PDE4D: variants seen among roughly 807,000 people sequenced by gnomAD.
PDE4D encodes 3',5'-cyclic-AMP phosphodiesterase 4D.
Under a neutral mutation model 87.4 loss-of-function variants are expected in PDE4D, and 24 were observed. The observed-to-expected ratio is 0.27, with a 90% CI of 0.20 to 0.39. The LOEUF (loss-of-function observed/expected upper bound fraction) is 0.39, where lower values mean the gene tolerates loss of function less well. Ranked by LOEUF, PDE4D falls within the 10% of genes least tolerant of loss-of-function variation. The pLI is 1.00. For missense variants in PDE4D, 714 were observed against 1,041.0 expected (o/e 0.69, Z 4.32); for synonymous variants, 384 against 383.2 (o/e 1.00, Z -0.02).
At chr5:59,474,268 T>C (rs1314056043) in intron 1 of PDE4D, among the ~76,000 whole-genome samples, 1 of 152,166 alleles carries the variant, frequency 6.6e-6, no homozygotes, top group African/African-American at 2.4e-5. Context: ...ATATATTATA[T>C]GACAAAGTTA....
chr5:59,163,189 G>A (rs1178762663), intron 5 of PDE4D, among the ~76,000 whole-genome samples: 2 of 148,880 alleles, frequency 1.3e-5, no homozygotes, highest in African/African-American at 2.5e-5. Flanking sequence ...CAATCGATCC[G>A]CCTGCCTCGG....
chr5:59,766,585 A>G (rs567224810), intron 1 of PDE4D, among the ~76,000 whole-genome samples: 62 of 152,314 alleles, frequency 4.1e-4, no homozygotes, highest in African/African-American at 1.5e-3. Flanking sequence ...TCATTCAGCA[A>G]TGGGTGCAAT....
intron 1 of PDE4D, among the ~76,000 whole-genome samples, chr5:60,288,729 T>A (rs765558968): frequency 1.2e-4 from 19 of 152,230 alleles, no homozygotes; most frequent in Non-Finnish European, 2.1e-4. Context: ...TTACAATGAA[T>A]CATTTATATT....
intron 1 of PDE4D, among the ~76,000 whole-genome samples, chr5:59,282,060 TCTAA>T (rs1405495740): frequency 6.6e-6 from 1 of 152,142 alleles, no homozygotes; most frequent in South Asian, 2.1e-4. Context: ...AAATTATTCT[TCTAA>T]CTATTTTTTT....
intron 1 of PDE4D, among the ~76,000 whole-genome samples, chr5:60,476,667 G>A (rs147847909): frequency 0.029 from 4,444 of 152,242 alleles, 95 homozygotes; most frequent in Non-Finnish European, 0.044. Flanking sequence ...AGCTGCTGCA[G>A]CACCAAACGT....
At chr5:59,031,576 C>T (rs1477092792) in intron 6 of PDE4D, among the ~76,000 whole-genome samples, 10 of 148,116 alleles carry the variant, frequency 6.8e-5, no homozygotes, top group Admixed American at 6.1e-4. Flanking sequence ...GGCGTGGTAG[C>T]GGGCGCCTGT....
At chr5:59,856,326 A>G (rs10078146) in intron 1 of PDE4D, among the ~76,000 whole-genome samples, 14,077 of 152,200 alleles carry the variant, frequency 0.092, 2,015 homozygotes, top group African/African-American at 0.31. Context: ...AGAGAAGACT[A>G]TTACAAAGGA....
chr5:59,576,807 C>A (rs1004631030), intron 1 of PDE4D, among the ~76,000 whole-genome samples: 1 of 152,088 alleles, frequency 6.6e-6, no homozygotes, highest in Non-Finnish European at 1.5e-5. Flanking sequence ...TCAAATCTGG[C>A]ACAGATTATT....
At chr5:59,359,548 T>C (rs970861185) in intron 1 of PDE4D, among the ~76,000 whole-genome samples, 1 of 152,132 alleles carries the variant, frequency 6.6e-6, no homozygotes, top group Non-Finnish European at 1.5e-5. Context: ...AATATCAATA[T>C]TGTTTTTGAA....
chr5:59,417,516 G>A (rs1354058184), intron 1 of PDE4D, among the ~76,000 whole-genome samples: 1 of 150,190 alleles, frequency 6.7e-6, no homozygotes, highest in Non-Finnish European at 1.5e-5. Context: ...GAAATGTTTG[G>A]TTAAAAAGAA....
chr5:59,150,417 T>TA (rs1476244766), intron 5 of PDE4D, among the ~76,000 whole-genome samples: 1 of 152,140 alleles, frequency 6.6e-6, no homozygotes, highest in Non-Finnish European at 1.5e-5. Flanking sequence ...CTTCCATTCT[T>TA]ATAGAATGTT....
At chr5:60,252,399 C>CTTTT (rs749772318) in intron 1 of PDE4D, among the ~76,000 whole-genome samples, 5 of 137,406 alleles carry the variant, frequency 3.6e-5, no homozygotes, top group Non-Finnish European at 3.1e-5. Flanking sequence ...CACTTTTTTA[C>CTTTT]TTTTTTTTTT....
intron 5 of PDE4D, among the ~76,000 whole-genome samples, chr5:59,071,967 G>T (rs1012799234): frequency 6.6e-6 from 1 of 152,096 alleles, no homozygotes; most frequent in Admixed American, 6.5e-5. Flanking sequence ...GGGATTACAG[G>T]CGTGAGCCAC....
At chr5:60,125,865 G>A (rs778978901) in intron 2 of PDE4D, among the ~76,000 whole-genome samples, 6 of 152,182 alleles carry the variant, frequency 3.9e-5, no homozygotes, top group South Asian at 4.2e-4. Context: ...TTTCATTTAC[G>A]GAAAAGGTAA....
intron 1 of PDE4D, among the ~76,000 whole-genome samples, chr5:60,337,388 T>TATATATATATATACAC (rs66871903): frequency 4.4e-4 from 39 of 89,432 alleles, no homozygotes; most frequent in South Asian, 1.2e-3. Context: ...TATATATATA[T>TATATATATATATACAC]ACACACACAC....
chr5:60,185,361 T>G (rs1397730612), intron 2 of PDE4D, among the ~76,000 whole-genome samples: 1 of 152,172 alleles, frequency 6.6e-6, no homozygotes, highest in Non-Finnish European at 1.5e-5. Flanking sequence ...GAAAGAATTC[T>G]CATCAAATGC....
Position 59,821,265 on chromosome 5 carries a change from C to CAAA in PDE4D, c.455+71902_455+71903insTTT, listed in dbSNP as rs1554092187. 5.8e-3 allele frequency among the ~76,000 whole-genome samples: 882 copies of CAAA among 151,932 alleles called. 9 individuals are homozygous for CAAA. Among genetic ancestry groups the CAAA allele is most frequent in the African/African-American group, 0.02 (849 of 41,432 alleles). ...ACAACAACAACAACAACAACAACAA[C>CAAA]AACAACAACAAAAGAAAAAGAAATA... is the stretch of plus-strand genomic sequence containing the variant. On this transcript the variant is annotated intron_variant, in intron 1 of 14. Coordinates refer to ENST00000340635, the MANE Select transcript of PDE4D (RefSeq NM_001104631.2).
At chr5:60,159,883 A>G (rs1782324464) in intron 2 of PDE4D, among the ~76,000 whole-genome samples, 1 of 152,148 alleles carries the variant, frequency 6.6e-6, no homozygotes, top group South Asian at 2.1e-4. Flanking sequence ...AATCCTGTCT[A>G]CTTCCAAATT....
intron 3 of PDE4D, among the ~76,000 whole-genome samples, chr5:59,918,498 A>C (rs896688567): frequency 3.3e-5 from 5 of 152,180 alleles, no homozygotes; most frequent in Admixed American, 2.6e-4. Flanking sequence ...AGTTGCTTCT[A>C]ACAAATAAGA....
Sources: gnomAD v4.1 joint callset for allele counts (sites outside exome capture counted in the v4.1 genomes callset) on GRCh38, gnomAD v4.1.1 for gene constraint, MANE v1.5 for transcripts, NCBI Gene and HGNC (gene_info 2026-07-23, HGNC 2026-07-21) for gene names.